PHF20: variants seen among roughly 807,000 people sequenced by gnomAD.
The protein encoded by PHF20 is glioma-expressed antigen 2.
In PHF20, 23 loss-of-function variants were observed where a neutral mutation model predicts 113.5. The ratio of observed to expected loss-of-function variants is 0.20; its 90% CI spans 0.15 to 0.29. The LOEUF is 0.29. Among genes scored for constraint, PHF20 ranks in the 10% least tolerant of loss-of-function variants. The pLI is 1.00. For missense variants in PHF20, 943 were observed against 1,219.6 expected (o/e 0.77, Z 3.38); for synonymous variants, 434 against 457.3 (o/e 0.95, Z 0.65).
intron 1 of PHF20, among the ~76,000 whole-genome samples, chr20:35,783,003 T>G (rs2041332299): frequency 6.6e-6 from 1 of 152,008 alleles, no homozygotes. Context: ...AGACCAGTCC[T>G]GGCCACAGAG....
chr20:35,947,020 TAA>T (rs1176866019), intron 17 of PHF20, among the ~76,000 whole-genome samples: 1 of 152,196 alleles, frequency 6.6e-6, no homozygotes, highest in Non-Finnish European at 1.5e-5. Flanking sequence ...GAAAGCTTTT[TAA>T]AGAGTGAGTG....
intron 2 of PHF20, among the ~76,000 whole-genome samples, chr20:35,839,824 T>C (rs2042510079): frequency 6.6e-6 from 1 of 152,172 alleles, no homozygotes. Context: ...GGGCCTGAAC[T>C]TGAGGAGTGA....
At chr20:35,797,305 G>T (rs1179343854) in intron 1 of PHF20, among the ~76,000 whole-genome samples, 4 of 151,842 alleles carry the variant, frequency 2.6e-5, no homozygotes, top group African/African-American at 7.2e-5. Flanking sequence ...TTGAGGTCAG[G>T]AATTCAAGAC....
chr20:35,816,279 C>G (rs941264703), intron 2 of PHF20, among the ~76,000 whole-genome samples: 1 of 151,574 alleles, frequency 6.6e-6, no homozygotes, highest in African/African-American at 2.4e-5. Context: ...CCTAATCATA[C>G]TTTAACCTAC....
intron 2 of PHF20, among the ~76,000 whole-genome samples, chr20:35,835,747 T>G (rs2042428620): frequency 6.6e-6 from 1 of 152,020 alleles, no homozygotes; most frequent in Admixed American, 6.6e-5. Flanking sequence ...CTGGCCAACA[T>G]GATGAAACCC....
intron 3 of PHF20, among the ~76,000 whole-genome samples, chr20:35,846,553 C>A (rs78000089): frequency 6.6e-6 from 1 of 152,134 alleles, no homozygotes. Flanking sequence ...GGCAAAAGAC[C>A]CTTTAGAAGT....
At chr20:35,893,419 T>C (rs2054915091) in intron 9 of PHF20, among the ~76,000 whole-genome samples, 1 of 152,110 alleles carries the variant, frequency 6.6e-6, no homozygotes, top group African/African-American at 2.4e-5. Context: ...TTCACCTGCC[T>C]CAGCCTCCCA....
At chr20:35,834,372 C>T (rs1292537876) in intron 2 of PHF20, among the ~76,000 whole-genome samples, 2 of 151,608 alleles carry the variant, frequency 1.3e-5, no homozygotes, top group Admixed American at 1.3e-4. Flanking sequence ...CTGCCTCAGC[C>T]TCTCGAGTAG....
chr20:35,810,609 C>G, intron 2 of PHF20, among the ~76,000 whole-genome samples: 1 of 152,008 alleles, frequency 6.6e-6, no homozygotes, highest in Non-Finnish European at 1.5e-5. Context: ...AGTTATTTGC[C>G]CAAGGTCACA....
chr20:35,790,485 G>A (rs2041523046), intron 1 of PHF20, among the ~76,000 whole-genome samples: 1 of 152,158 alleles, frequency 6.6e-6, no homozygotes. Context: ...ACAGGTGTGA[G>A]CCACCGGGCC....
At chr20:35,937,407 G>T (rs2055885299) in intron 15 of PHF20, among the ~76,000 whole-genome samples, 1 of 151,854 alleles carries the variant, frequency 6.6e-6, no homozygotes. Context: ...GGTGGAGGTT[G>T]TGGTGAGCCG....
At chr20:35,858,529 T>C in intron 5 of PHF20, 148 bp downstream of exon 5, 1 of 544,174 alleles carries the variant, frequency 1.8e-6, no homozygotes, top group Admixed American at 3.7e-5. Context: ...ATACACAAGT[T>C]TTCAGAAGTT....
rs558574584 is a variant in PHF20, at chr20:35,943,184, A to G, written c.2896+2137A>G. On this transcript the variant is annotated intron_variant, in intron 17 of 17. Coordinates refer to ENST00000374012, the MANE Select transcript of PHF20 (RefSeq NM_016436.5). Reference sequence around the variant, plus strand: ...AATTTGGATGTAACATTCCTTTTTTAAAAAGCCGGCCTGCTTAGCTGGGTG... The same window carrying G: ...AATTTGGATGTAACATTCCTTTTTTGAAAAGCCGGCCTGCTTAGCTGGGTG... Among the ~76,000 whole-genome samples the G allele has an allele frequency of 5.3e-5, 8 of 152,160 alleles. 1 individual carries two copies. Among genetic ancestry groups the G allele is most frequent in the African/African-American group, 1.9e-4 (8 of 41,524 alleles).
intron 3 of PHF20, among the ~76,000 whole-genome samples, chr20:35,846,531 G>A (rs1948883260): frequency 6.6e-6 from 1 of 152,178 alleles, no homozygotes; most frequent in Admixed American, 6.6e-5. Context: ...AAGGTGAATG[G>A]TTGCTTTCCC....
At chr20:35,816,644 G>T (rs1017376206) in intron 2 of PHF20, among the ~76,000 whole-genome samples, 1 of 151,624 alleles carries the variant, frequency 6.6e-6, no homozygotes, top group African/African-American at 2.4e-5. Context: ...AGTAGAGTTC[G>T]GGTTTCACTG....
intron 7 of PHF20, among the ~76,000 whole-genome samples, chr20:35,870,278 TG>T (rs1168480289): frequency 7.9e-6 from 1 of 126,438 alleles, no homozygotes; most frequent in African/African-American, 3.1e-5. Context: ...CACTCCAGCC[TG>T]GGCGAGAGAG....
At chr20:35,875,435 A>G (rs2054503544) in intron 9 of PHF20, among the ~76,000 whole-genome samples, 1 of 151,818 alleles carries the variant, frequency 6.6e-6, no homozygotes, top group African/African-American at 2.4e-5. Flanking sequence ...GTACCGAAGT[A>G]TTCATTCCTA....
chr20:35,889,816 T>A (rs1489454787), intron 9 of PHF20, among the ~76,000 whole-genome samples: 1 of 151,828 alleles, frequency 6.6e-6, no homozygotes, highest in East Asian at 1.9e-4. Flanking sequence ...GCAACCTCTG[T>A]CCCCAGGTTC....
chr20:35,799,667 CT>C (rs112431805), intron 1 of PHF20, among the ~76,000 whole-genome samples: 15 of 146,792 alleles, frequency 1.0e-4, no homozygotes, highest in Admixed American at 1.4e-4. Context: ...AAGAAGTGTT[CT>C]TTTTTTTTTT....
Sources: allele counts gnomAD v4.1 joint callset (sites outside exome capture counted in the v4.1 genomes callset), GRCh38; gene constraint gnomAD v4.1.1; transcripts MANE v1.5; gene names NCBI Gene and HGNC (gene_info 2026-07-23, HGNC 2026-07-21).